RGS6: variants seen among roughly 807,000 people sequenced by gnomAD.
RGS6 encodes the protein regulator of G protein signaling 6.
A neutral mutation model predicts 78.5 loss-of-function variants in RGS6; 30 were observed. The ratio of observed to expected loss-of-function variants is 0.38; its 90% CI spans 0.29 to 0.52. RGS6 has a LOEUF of 0.52. Ranked by LOEUF, RGS6 falls within the 20% of genes least tolerant of loss-of-function variation. The pLI is 0.85. For synonymous variants in RGS6, 206 were observed against 206.0 expected (o/e 1.00, Z 0.00); for missense variants, 495 against 609.7 (o/e 0.81, Z 1.98).
At chr14:71,966,868 T>G (rs1302314693) in intron 2 of RGS6, among the ~76,000 whole-genome samples, 2 of 151,352 alleles carry the variant, frequency 1.3e-5, no homozygotes, top group East Asian at 1.9e-4. Context: ...ATACAGTGAG[T>G]TTTTTTTTAA....
intron 1 of RGS6, among the ~76,000 whole-genome samples, chr14:71,960,894 C>G (rs1385503175): frequency 6.6e-6 from 1 of 152,236 alleles, no homozygotes; most frequent in Non-Finnish European, 1.5e-5. Flanking sequence ...CATAATTGAG[C>G]AACCACATAT....
chr14:72,201,048 T>C (rs2041452499), intron 2 of RGS6, among the ~76,000 whole-genome samples: 1 of 151,306 alleles, frequency 6.6e-6, no homozygotes, highest in African/African-American at 2.4e-5. Context: ...CCAGCCTGAG[T>C]TGGCATTGCT....
the RGS6 span, among the ~76,000 whole-genome samples, chr14:71,882,747 G>A: frequency 6.6e-6 from 1 of 152,186 alleles, no homozygotes; most frequent in Non-Finnish European, 1.5e-5. Context: ...TATTTAATAG[G>A]TTTAAAAGAG....
chr14:72,517,207 T>C (rs1348569189), intron 14 of RGS6, among the ~76,000 whole-genome samples: 1 of 152,052 alleles, frequency 6.6e-6, no homozygotes, highest in Non-Finnish European at 1.5e-5. Context: ...ATGCACTGTC[T>C]GCACTTTCCA....
At chr14:71,890,220 C>T in the RGS6 span, among the ~76,000 whole-genome samples, 1 of 152,172 alleles carries the variant, frequency 6.6e-6, no homozygotes, top group Non-Finnish European at 1.5e-5. Context: ...GTCAGCCTGA[C>T]TCATTTTGTG....
intron 2 of RGS6, among the ~76,000 whole-genome samples, chr14:71,981,235 A>T (rs1157876124): frequency 1.3e-5 from 2 of 151,706 alleles, no homozygotes; most frequent in Non-Finnish European, 2.9e-5. Flanking sequence ...GAGTAATTTG[A>T]TCGTCTGAAG....
intron 2 of RGS6, among the ~76,000 whole-genome samples, chr14:72,075,256 G>A (rs998026015): frequency 1.3e-5 from 2 of 152,052 alleles, no homozygotes; most frequent in Middle Eastern, 3.2e-3. Flanking sequence ...TATGCTACTC[G>A]GCATTTATGA....
chr14:72,112,960 A>G (rs2153552360), intron 2 of RGS6, among the ~76,000 whole-genome samples: 1 of 152,342 alleles, frequency 6.6e-6, no homozygotes, highest in Middle Eastern at 3.4e-3. Context: ...TGCAGAAAAC[A>G]GTTCTCTTAT....
At chr14:72,462,366 G>T (rs1743126038) in intron 6 of RGS6, among the ~76,000 whole-genome samples, 1 of 152,162 alleles carries the variant, frequency 6.6e-6, no homozygotes, top group African/African-American at 2.4e-5. Flanking sequence ...ATTTAGAATG[G>T]ATTCAGCAGT....
intron 2 of RGS6, among the ~76,000 whole-genome samples, chr14:72,236,644 G>A (rs1196490969): frequency 3.3e-5 from 5 of 152,308 alleles, no homozygotes; most frequent in South Asian, 2.1e-4. Flanking sequence ...CACAGCGGCC[G>A]GGCAGAGGCG....
At chr14:71,919,740 G>A in the RGS6 span, among the ~76,000 whole-genome samples, 15 of 152,106 alleles carry the variant, frequency 9.9e-5, no homozygotes, top group African/African-American at 3.6e-4. Flanking sequence ...ACACCTGTAA[G>A]CCTGGCACTT....
intron 2 of RGS6, among the ~76,000 whole-genome samples, chr14:72,260,669 C>T (rs2057997770): frequency 6.6e-6 from 1 of 152,138 alleles, no homozygotes; most frequent in African/African-American, 2.4e-5. Context: ...TTATGGCAAC[C>T]ATGGGAGATT....
intron 2 of RGS6, among the ~76,000 whole-genome samples, chr14:72,120,666 G>A (rs938537361): frequency 1.9e-4 from 29 of 152,292 alleles, no homozygotes; most frequent in African/African-American, 7.0e-4. Context: ...TCATGCAATG[G>A]CATACATGAA....
At chr14:72,247,116 G>A (rs2054429288) in intron 2 of RGS6, among the ~76,000 whole-genome samples, 1 of 152,286 alleles carries the variant, frequency 6.6e-6, no homozygotes, top group South Asian at 2.1e-4. Context: ...GTGAAGACTT[G>A]CTGTGATAAT....
intron 2 of RGS6, among the ~76,000 whole-genome samples, chr14:72,022,868 C>T (rs8021249): frequency 0.077 from 11,682 of 152,220 alleles, 489 homozygotes; most frequent in South Asian, 0.094. Flanking sequence ...CTTTGCTGAA[C>T]ATACTCAAAT....
At chr14:72,278,746 A>G (rs1047046508) in intron 2 of RGS6, among the ~76,000 whole-genome samples, 3 of 152,276 alleles carry the variant, frequency 2.0e-5, no homozygotes, top group Admixed American at 1.3e-4. Flanking sequence ...AGTCTGTAGG[A>G]TAGGAAATCA....
chr14:72,073,420 A>T lies in RGS6; in HGVS notation c.84+108545A>T, dbSNP rs1173661613. 2.0e-5 allele frequency among the ~76,000 whole-genome samples: 3 copies of T among 152,192 alleles called. No homozygotes were observed. The South Asian group carries it at 6.2e-4, about 32-fold the overall frequency. Reference sequence around the variant, plus strand: ...TTTCTAATATTAAACACTGAGAGAAATCTAGGTTATACATACATTTAAGAA... The same window carrying T: ...TTTCTAATATTAAACACTGAGAGAATTCTAGGTTATACATACATTTAAGAA... On this transcript the variant is annotated intron_variant, in intron 2 of 17. Transcript: ENST00000553525.
the RGS6 span, among the ~76,000 whole-genome samples, chr14:72,608,394 G>A: frequency 6.6e-6 from 1 of 152,174 alleles, no homozygotes; most frequent in Admixed American, 6.5e-5. Flanking sequence ...TCTAGGGGCA[G>A]ATGTGTCCTC....
chr14:72,248,906 T>C (rs1036392269), intron 2 of RGS6, among the ~76,000 whole-genome samples: 1 of 152,238 alleles, frequency 6.6e-6, no homozygotes, highest in Non-Finnish European at 1.5e-5. Context: ...TCCAACTTTA[T>C]TGACCATGTT....
Sources: allele counts gnomAD v4.1 joint callset (sites outside exome capture counted in the v4.1 genomes callset), GRCh38; gene constraint gnomAD v4.1.1; transcripts MANE v1.5; gene names NCBI Gene and HGNC (gene_info 2026-07-23, HGNC 2026-07-21).